The following PLXDC2 variants were observed in gnomAD, a reference collection of about 807,000 sequenced individuals.
PLXDC2 encodes plexin domain containing 2.
In PLXDC2, 40 loss-of-function variants were observed where a neutral mutation model predicts 68.9. That is an observed-to-expected ratio of 0.58 (90% CI 0.45 to 0.76). PLXDC2 has a LOEUF of 0.76. Among genes scored for constraint, PLXDC2 ranks in the 30% least tolerant of loss-of-function variants. The pLI is 0.00. For synonymous variants in PLXDC2, 243 were observed against 234.2 expected, an observed-to-expected ratio of 1.04 and a Z score of -0.34; for missense variants, 644 against 661.9, an observed-to-expected ratio of 0.97 and a Z score of 0.30.
At chr10:20,220,831 C>G (rs554046801) in intron 12 of PLXDC2, among the ~76,000 whole-genome samples, 72 of 133,420 alleles carry the variant, frequency 5.4e-4, no homozygotes, top group Non-Finnish European at 9.7e-4. Flanking sequence ...ACTCCTTGCT[C>G]TTAACACTTT....
chr10:20,082,263 T>TA lies in PLXDC2; in HGVS notation c.541+14026dup, dbSNP rs1286124183. On this transcript the variant is annotated intron_variant, in intron 4 of 13. Transcript: ENST00000377252. ...CAATATTCAATATCAATAATTCAGCTAATAATTATATATCAATATTGTTTC... is the reference window on the plus strand; with the variant it reads ...CAATATTCAATATCAATAATTCAGCTAAATAATTATATATCAATATTGTTTC... Among the ~76,000 whole-genome samples, 8 of 151,788 alleles carry TA rather than the reference T, an allele frequency of 5.3e-5. No individual in the cohort carries two copies. In the East Asian group the frequency reaches 1.6e-3, roughly 29 times the overall value.
At chr10:20,155,241 C>T (rs898377944) in intron 6 of PLXDC2, among the ~76,000 whole-genome samples, 19 of 151,924 alleles carry the variant, frequency 1.3e-4, no homozygotes, top group East Asian at 3.9e-4. Flanking sequence ...CATGGTTAGC[C>T]GCCTGAAAGT....
At chr10:20,068,391 G>A (rs1445169322) in intron 4 of PLXDC2, 152 bp downstream of exon 4, 6 of 695,048 alleles carry the variant, frequency 8.6e-6, no homozygotes, top group Admixed American at 3.6e-5. Context: ...CCAAAGAAAG[G>A]GTATGGTTAT....
intron 13 of PLXDC2, among the ~76,000 whole-genome samples, chr10:20,247,071 G>A (rs1431744972): frequency 3.9e-5 from 6 of 151,968 alleles, no homozygotes; most frequent in African/African-American, 1.4e-4. Context: ...CCCTAATCTG[G>A]AGTTGGCACT....
chr10:20,085,658 G>A (rs1833181356), intron 4 of PLXDC2, among the ~76,000 whole-genome samples: 1 of 152,116 alleles, frequency 6.6e-6, no homozygotes, highest in African/African-American at 2.4e-5. Flanking sequence ...CGGACCCAAA[G>A]CCCATCTAAG....
At chr10:20,018,818 T>A (rs1046130274) in intron 2 of PLXDC2, among the ~76,000 whole-genome samples, 7 of 152,218 alleles carry the variant, frequency 4.6e-5, no homozygotes, top group Admixed American at 3.3e-4. Flanking sequence ...ACAGGAGCTG[T>A]TCTATGGTGA....
At chr10:20,157,793 A>G (rs1328356461) in intron 6 of PLXDC2, among the ~76,000 whole-genome samples, 1 of 152,216 alleles carries the variant, frequency 6.6e-6, no homozygotes, top group Non-Finnish European at 1.5e-5. Context: ...CAAGTAATAA[A>G]CCTATCTCTA....
intron 2 of PLXDC2, among the ~76,000 whole-genome samples, chr10:20,008,023 C>G (rs1835054531): frequency 6.6e-6 from 1 of 152,204 alleles, no homozygotes; most frequent in Non-Finnish European, 1.5e-5. Flanking sequence ...TAGAGATAAA[C>G]AGTTTTTCTC....
chr10:20,098,913 C>T (rs146181606), intron 4 of PLXDC2, among the ~76,000 whole-genome samples: 1 of 152,210 alleles, frequency 6.6e-6, no homozygotes, highest in East Asian at 1.9e-4. Context: ...TGAAATTAGA[C>T]ATCATCCTTG....
intron 12 of PLXDC2, among the ~76,000 whole-genome samples, chr10:20,233,925 A>G (rs1433860626): frequency 6.6e-6 from 1 of 151,944 alleles, no homozygotes; most frequent in African/African-American, 2.4e-5. Context: ...GGCTCAAGCA[A>G]TCCTCCCACT....
At chr10:20,028,966 G>A (rs1279858771) in intron 2 of PLXDC2, among the ~76,000 whole-genome samples, 1 of 152,166 alleles carries the variant, frequency 6.6e-6, no homozygotes, top group South Asian at 2.1e-4. Context: ...ATATCAAACT[G>A]TCCTCAATTC....
intron 12 of PLXDC2, among the ~76,000 whole-genome samples, chr10:20,220,206 G>T (rs986401907): frequency 5.3e-5 from 8 of 152,118 alleles, no homozygotes; most frequent in Admixed American, 1.3e-4. Flanking sequence ...ATGATCATCT[G>T]CAAAATATAT....
At chr10:20,098,913 C>G (rs146181606) in intron 4 of PLXDC2, among the ~76,000 whole-genome samples, 1 of 152,092 alleles carries the variant, frequency 6.6e-6, no homozygotes, top group Non-Finnish European at 1.5e-5. Flanking sequence ...TGAAATTAGA[C>G]ATCATCCTTG....
chr10:19,883,318 T>C (rs1490415148), intron 1 of PLXDC2, among the ~76,000 whole-genome samples: 1 of 152,170 alleles, frequency 6.6e-6, no homozygotes, highest in Non-Finnish European at 1.5e-5. Flanking sequence ...TTATATGGAA[T>C]AGTGAAAAGC....
chr10:20,233,466 C>G (rs1047588213), intron 12 of PLXDC2, among the ~76,000 whole-genome samples: 4 of 152,018 alleles, frequency 2.6e-5, no homozygotes, highest in African/African-American at 9.7e-5. Context: ...AACAATATAC[C>G]AGGCAGTCTT....
intron 9 of PLXDC2, among the ~76,000 whole-genome samples, chr10:20,190,395 G>GA (rs1035307342): frequency 5.9e-5 from 9 of 151,760 alleles, no homozygotes; most frequent in Non-Finnish European, 1.0e-4. Context: ...AATTGGTATG[G>GA]AAAAAAATAT....
At chr10:20,155,116 T>C (rs1419085200) in intron 6 of PLXDC2, among the ~76,000 whole-genome samples, 2 of 152,322 alleles carry the variant, frequency 1.3e-5, no homozygotes, top group Middle Eastern at 3.4e-3. Context: ...GAAGAATGCA[T>C]AGTTAATAAA....
intron 4 of PLXDC2, among the ~76,000 whole-genome samples, chr10:20,084,259 G>A (rs1833160249): frequency 6.6e-6 from 1 of 152,194 alleles, no homozygotes; most frequent in African/African-American, 2.4e-5. Flanking sequence ...GTGACTTTGG[G>A]CTTTAAGCTG....
chr10:19,973,067 A>G (rs925719635), intron 1 of PLXDC2, among the ~76,000 whole-genome samples: 1 of 152,016 alleles, frequency 6.6e-6, no homozygotes, highest in Non-Finnish European at 1.5e-5. Context: ...TTTAACTTAG[A>G]GTCCTTAATG....
Sources: allele counts gnomAD v4.1 joint callset (sites outside exome capture counted in the v4.1 genomes callset), GRCh38; gene constraint gnomAD v4.1.1; transcripts MANE v1.5; gene names NCBI Gene and HGNC (gene_info 2026-07-23, HGNC 2026-07-21).